GCSAM: variants seen among roughly 807,000 people sequenced by gnomAD.
GCSAM encodes the protein germinal center-associated signaling and motility protein.
A neutral mutation model predicts 17.6 loss-of-function variants in GCSAM; 8 were observed. That is an observed-to-expected ratio of 0.46 (90% CI 0.27 to 0.82). The LOEUF (loss-of-function observed/expected upper bound fraction) is 0.82. GCSAM is among the 40% of genes least tolerant of loss of function. The pLI is 0.15. For missense variants in GCSAM, 192 were observed against 213.5 expected, an observed-to-expected ratio of 0.90 and a Z score of 0.63; for synonymous variants, 68 against 69.0, an observed-to-expected ratio of 0.98 and a Z score of 0.07.
chr3:112,132,233 T>G (rs2074473153), intron 1 of GCSAM, among the ~76,000 whole-genome samples: 1 of 152,166 alleles, frequency 6.6e-6, no homozygotes, highest in African/African-American at 2.4e-5. Flanking sequence ...AATCCTCTTT[T>G]CGGCAAGTGG....
intron 1 of GCSAM, chr3:112,132,786 C>T (rs893616302): frequency 1.5e-5 from 7 of 463,956 alleles, no homozygotes; most frequent in Non-Finnish European, 2.1e-5. Flanking sequence ...CCTTCCCGGG[C>T]TTTCAGAAAG....
At chr3:112,125,171 G>A in intron 5 of GCSAM, 55 bp downstream of exon 5, 1 of 1,127,762 alleles carries the variant, frequency 8.9e-7, no homozygotes, top group Non-Finnish European at 1.4e-6. Flanking sequence ...TGCCATTTAG[G>A]GTGTCTGTAC....
Position 112,133,101 on chromosome 3 carries a change from C to T in GCSAM, c.20G>A (p.Arg7Lys). 6.2e-7 allele frequency: 1 copy of T among 1,613,856 alleles called. No individual in the cohort carries two copies. The highest frequency in any genetic ancestry group is 8.5e-7 in the Non-Finnish European group (1 of 1,179,694). The part of the protein sequence containing the change: MGNSLL[R>K]ENRRQQNTQE... ...GGGAGTCTAGACTTACCTGTTTTCT[C>T]TCAGCAGAGAATTTCCCATCCTCTC... The change falls in exon 1 of 6, where the codon AGA becomes AAA. Residue 7 changes from arginine (R) to lysine (K), a missense_variant. Transcript: ENST00000308910.
intron 5 of GCSAM, 21 bp from the exon 6 acceptor site, chr3:112,123,793 A>G (rs747064688): frequency 6.3e-6 from 10 of 1,598,682 alleles, no homozygotes; most frequent in Non-Finnish European, 8.5e-6. Flanking sequence ...AAGAAGAACC[A>G]TCATCAAGAT....
intron 2 of GCSAM, chr3:112,129,235 T>C (rs949833814): frequency 1.3e-5 from 2 of 152,036 alleles, no homozygotes; most frequent in Admixed American, 1.3e-4. Flanking sequence ...TGAGGAGAAA[T>C]GAATGAGATA....
At chr3:112,132,353 C>G (rs183197900) in intron 1 of GCSAM, among the ~76,000 whole-genome samples, 2 of 152,296 alleles carry the variant, frequency 1.3e-5, no homozygotes, top group Non-Finnish European at 2.9e-5. Flanking sequence ...CGCTTACTCT[C>G]TCTAGATCAC....
intron 3 of GCSAM, 125 bp downstream of exon 3, chr3:112,127,892 G>A (rs1476169049): frequency 3.3e-5 from 24 of 736,908 alleles, no homozygotes; most frequent in Non-Finnish European, 5.6e-5. Flanking sequence ...TAACTCTTAG[G>A]TGATTGTATC....
intron 2 of GCSAM, 73 bp from the exon 3 acceptor site, chr3:112,128,134 T>C: frequency 7.0e-7 from 1 of 1,419,464 alleles, no homozygotes; most frequent in Non-Finnish European, 1.0e-6. Flanking sequence ...TCCTTTCCTT[T>C]TGCCATTTCT....
In GCSAM at chr3:112,123,475, T is replaced by A. The variant is rs368320747; in HGVS notation, c.517A>T (p.Thr173Ser). The A allele has an allele frequency of 2.5e-6, 4 of 1,613,768 alleles. No homozygotes were observed. The highest frequency in any genetic ancestry group is 4.5e-5 in the East Asian group (2 of 44,872). The change falls in exon 6 of 6, where the codon ACT (threonine) becomes TCT (serine). Residue 173 changes from threonine (T) to serine (S), a missense_variant. Thr to Ser is a moderately conservative substitution (Grantham distance 58). Transcript: ENST00000308910. ...CTTCACTATAAATGGGAAAACTGAG[T>A]CTCAGAAGGGGCCATAAGTGGACGT... ...QPRPLMAPSE[T>S]QFSHL
In GCSAM at chr3:112,121,045, C is replaced by T. The variant is rs1289687009; in HGVS notation, c.*2410G>A. 1 of 152,156 alleles carries T rather than the reference C, an allele frequency of 6.6e-6. No individual in the cohort carries two copies. Among genetic ancestry groups the T allele is most frequent in the Non-Finnish European group, 1.5e-5 (1 of 68,008 alleles). 9.4% of individuals were successfully genotyped at this position (152,156 alleles called of 1,614,324 possible). On this transcript the variant is annotated 3_prime_UTR_variant, in exon 6 of 6. Coordinates refer to ENST00000308910, the MANE Select transcript of GCSAM (RefSeq NM_152785.5). ...TCAAAAGTAATTCCCTTTCATAATC[C>T]CTCTTATAATTCCCTCTTATAAATC...
intron 3 of GCSAM, among the ~76,000 whole-genome samples, chr3:112,127,602 G>A (rs186884061): frequency 1.1e-4 from 16 of 152,274 alleles, no homozygotes; most frequent in Admixed American, 1.0e-3. Flanking sequence ...ATCACTTAGC[G>A]AGCTTTAACT....
chr3:112,130,466 C>T lies in GCSAM; in HGVS notation c.77G>A (p.Ser26Asn). 6.2e-6 allele frequency: 10 copies of T among 1,614,012 alleles called. No homozygotes were observed. Among genetic ancestry groups the T allele is most frequent in the Non-Finnish European group, 8.5e-6 (10 of 1,179,934 alleles). ...QEMPWNVRMQSPKQRTSRCWD... is the reference protein window; with the variant it reads ...QEMPWNVRMQNPKQRTSRCWD... ...TCACCTGGATGTTCTCTGTTTGGGG[C>T]TTTGCATTCTCACATTCCAAGGCAT... Residue 26 changes from serine to asparagine, a missense_variant, in exon 2 of 6, where the codon AGC becomes AAC. Physicochemically the swap from Ser to Asn is conservative, Grantham distance 46. Transcript: ENST00000308910.
chr3:112,125,228 G>A lies in GCSAM; in HGVS notation c.217C>T (p.Gln73Ter). 1.3e-6 allele frequency: 2 copies of A among 1,565,026 alleles called. No individual in the cohort carries two copies. Among genetic ancestry groups the A allele is most frequent in the East Asian group, 2.2e-5 (1 of 44,616 alleles). Reference protein sequence around the residue: ...ENERMSSTPIQDNVDQTYSEE... With the variant: ...ENERMSSTPI ...TAGCTTAGAGATGTTCTTATTACCTGGATGGGAGTAGATGACATTCTTTCA... is the reference window on the plus strand; with the variant it reads ...TAGCTTAGAGATGTTCTTATTACCTAGATGGGAGTAGATGACATTCTTTCA... Residue 73 changes from glutamine to a stop codon, truncating the protein, a stop_gained and splice_region_variant, in exon 5 of 6, where the codon CAG becomes TAG. Coordinates refer to ENST00000308910, the MANE Select transcript of GCSAM (RefSeq NM_152785.5). LOFTEE classifies it low-confidence loss of function (END_TRUNC).
intron 4 of GCSAM, among the ~76,000 whole-genome samples, chr3:112,126,209 A>G (rs2074313504): frequency 6.6e-6 from 1 of 152,192 alleles, no homozygotes; most frequent in Non-Finnish European, 1.5e-5. Context: ...TGAAGTGGCT[A>G]GGGTGGGAGG....
intron 2 of GCSAM, chr3:112,129,761 A>G (rs888820272): frequency 6.6e-6 from 1 of 152,204 alleles, no homozygotes; most frequent in Non-Finnish European, 1.5e-5. Context: ...TTGGTGTTAG[A>G]AAATAACAAC....
rs2074248571 is a variant in GCSAM at position 112,123,784 on chromosome 3, A to C, written c.220-12T>G. ...TGGTCAACATTGTCCTGCTTGTCAA[A>C]GAAGAACCATCATCAAGATTTGGTC... On this transcript the variant is annotated splice_polypyrimidine_tract_variant and intron_variant, in intron 5 of 5. Coordinates refer to ENST00000308910, the MANE Select transcript of GCSAM (RefSeq NM_152785.5). 6.2e-7 allele frequency: 1 copy of C among 1,602,070 alleles called. No individual in the cohort carries two copies. The highest frequency in any genetic ancestry group is 2.2e-5 in the East Asian group (1 of 44,660).
intron 2 of GCSAM, chr3:112,129,994 T>C (rs2074413586): frequency 6.3e-6 from 1 of 158,820 alleles, no homozygotes; most frequent in Non-Finnish European, 1.4e-5. Context: ...GAGGTGGTCT[T>C]TGTTTAACAA....
At chr3:112,130,389 A>G in intron 2 of GCSAM, 56 bp downstream of exon 2, 1 of 1,412,126 alleles carries the variant, frequency 7.1e-7, no homozygotes, top group Non-Finnish European at 1.0e-6. Context: ...AGGGCTTGAC[A>G]TACTTCGTTC....
chr3:112,125,375 G>C, intron 4 of GCSAM, 121 bp from the exon 5 acceptor site: 1 of 706,012 alleles, frequency 1.4e-6, no homozygotes, highest in Non-Finnish European at 2.5e-6. Context: ...GCTCTTCTCA[G>C]GCTATTCTGA....
Sources: gnomAD v4.1 joint callset for allele counts (sites outside exome capture counted in the v4.1 genomes callset) on GRCh38, gnomAD v4.1.1 for gene constraint, MANE v1.5 for transcripts, NCBI Gene and HGNC (gene_info 2026-07-23, HGNC 2026-07-21) for gene names.